Variants in CNKSR2 observed in about 807,000 individuals in gnomAD.
CNKSR2 encodes the protein connector enhancer of kinase suppressor of Ras 2, also known as CNK homolog protein 2.
In CNKSR2, 14 loss-of-function variants were observed where a neutral mutation model predicts 84.4. The ratio of observed to expected loss-of-function variants is 0.17; its 90% CI spans 0.11 to 0.26. CNKSR2 has a LOEUF of 0.26. Among genes scored for constraint, CNKSR2 ranks in the 10% least tolerant of loss-of-function variants. The pLI is 1.00. For synonymous variants in CNKSR2, 275 were observed against 277.9 expected (o/e 0.99, Z 0.10); for missense variants, 485 against 771.2 (o/e 0.63, Z 4.40).
rs368902813 is a variant in CNKSR2, at chrX:21,609,336, A to G, written c.2411A>G (p.His804Arg). 109 of 1,209,939 alleles carry G rather than the reference A, an allele frequency of 9.0e-5. No homozygotes were observed. Among genetic ancestry groups the G allele is most frequent in the Admixed American group, 3.5e-4 (16 of 45,748 alleles). The change falls in exon 20 of 22, where the codon CAC (histidine) becomes CGC (arginine). Residue 804 changes from histidine to arginine, a missense_variant. Coordinates refer to ENST00000379510, the MANE Select transcript of CNKSR2 (RefSeq NM_014927.5). The stretch of plus-strand genomic sequence containing the variant: ...GACTCCGCGGCCATCTCCCCAGAGC[A>G]CAGGCGGCAGTCTACCCTGCCAACT... The part of the protein sequence containing the change: ...FSDSAAISPE[H>R]RRQSTLPTQK...
chrX:21,550,168 A>G (rs1055963410), intron 11 of CNKSR2, among the ~76,000 whole-genome samples: 1 of 112,336 alleles, frequency 8.9e-6, no homozygotes, highest in Non-Finnish European at 1.9e-5. Context: ...CAATCTATCC[A>G]TCTGACAAAG....
chrX:21,532,101 A>C (rs1307038370), intron 11 of CNKSR2, 34 bp downstream of exon 11: 9 of 1,027,234 alleles, frequency 8.8e-6, no homozygotes, highest in Admixed American at 2.7e-5. Flanking sequence ...ATATAAGACT[A>C]TATTTCTGGC....
chrX:21,511,078 C>T (rs1278727765), intron 8 of CNKSR2, among the ~76,000 whole-genome samples: 1 of 111,561 alleles, frequency 9.0e-6, no homozygotes, highest in Non-Finnish European at 1.9e-5. Context: ...AAAACACCTT[C>T]ATAACAGTGT....
intron 20 of CNKSR2, among the ~76,000 whole-genome samples, chrX:21,610,648 T>C (rs2092545905): frequency 8.9e-6 from 1 of 112,423 alleles, no homozygotes; most frequent in African/African-American, 3.2e-5. Flanking sequence ...CTTCTCTTTT[T>C]AAAAAGATGA....
chrX:21,401,850 TTAAG>T lies in CNKSR2; in HGVS notation c.65-24645_65-24642del, dbSNP rs1244292484. ...ACAGTAACCATTCATGCTGTGCCTA[TTAAG>T]TGTCAGCCACTTTTCATACTGACTT... On this transcript the variant is annotated intron_variant, in intron 1 of 21. Coordinates refer to ENST00000379510, the MANE Select transcript of CNKSR2 (RefSeq NM_014927.5). Among the ~76,000 whole-genome samples, 11 of 111,769 alleles carry T rather than the reference TTAAG, an allele frequency of 9.8e-5. 1 individual carries two copies. Among genetic ancestry groups the T allele is most frequent in the African/African-American group, 2.3e-4 (7 of 30,968 alleles).
intron 11 of CNKSR2, among the ~76,000 whole-genome samples, chrX:21,545,208 C>T (rs951512563): frequency 1.8e-5 from 2 of 111,466 alleles, no homozygotes; most frequent in Admixed American, 9.4e-5. Context: ...GGGGAAGGGG[C>T]GTCCACCATT....
Position 21,454,888 on chromosome X carries a change from G to A in CNKSR2, c.519+14107G>A, listed in dbSNP as rs193026032. The stretch of plus-strand genomic sequence containing the variant: ...GTTTCAGATATAAGGTAGCAGGCTG[G>A]GACAGGTTAAATGACCTGCAAAGTT... On this transcript the variant is annotated intron_variant, in intron 4 of 21. Transcript: ENST00000379510. Among the ~76,000 whole-genome samples, 123 of 111,857 alleles carry A rather than the reference G, an allele frequency of 1.1e-3. 1 individual carries two copies. Among genetic ancestry groups the A allele is most frequent in the African/African-American group, 3.7e-3 (115 of 30,887 alleles).
intron 13 of CNKSR2, among the ~76,000 whole-genome samples, chrX:21,566,279 A>G (rs778126783): frequency 1.8e-5 from 2 of 112,502 alleles, no homozygotes; most frequent in African/African-American, 6.4e-5. Flanking sequence ...TTGCTGGGAC[A>G]ACAGAATATT....
intron 13 of CNKSR2, among the ~76,000 whole-genome samples, chrX:21,580,191 T>A (rs1334575268): frequency 8.9e-6 from 1 of 112,168 alleles, no homozygotes; most frequent in African/African-American, 3.2e-5. Context: ...ATTATATATC[T>A]CAATTATTTT....
At chrX:21,597,001 C>T (rs957837226) in intron 17 of CNKSR2, among the ~76,000 whole-genome samples, 10 of 111,217 alleles carry the variant, frequency 9.0e-5, no homozygotes, top group Non-Finnish European at 1.9e-4. Context: ...GCTCAATACC[C>T]TTGGGATAAA....
chrX:21,456,347 G>T (rs1041948251), intron 4 of CNKSR2, among the ~76,000 whole-genome samples: 30 of 111,224 alleles, frequency 2.7e-4, no homozygotes, highest in African/African-American at 9.1e-4. Flanking sequence ...CTGAAAGTTT[G>T]TGCCCTTTGA....
At chrX:21,384,688 T>C (rs1015432392) in intron 1 of CNKSR2, among the ~76,000 whole-genome samples, 2 of 112,178 alleles carry the variant, frequency 1.8e-5, no homozygotes, top group Non-Finnish European at 3.8e-5. Flanking sequence ...TTTTGTACTA[T>C]ACTTTGCCAG....
At position 21,386,786 on chromosome X, in the gene CNKSR2, A is replaced by G. The variant is rs766796693; in HGVS notation, c.64+11825A>G. Among the ~76,000 whole-genome samples the G allele has an allele frequency of 1.1e-4, 12 of 111,886 alleles. No individual in the cohort carries two copies. The East Asian group carries it at 3.4e-3, about 31-fold the overall frequency. ...AAGTTTCTCACTTTTTATAAAAGCT[A>G]TTACAATACCCAGGACAATAGAACC... On this transcript the variant is annotated intron_variant, in intron 1 of 21. Coordinates refer to ENST00000379510, the MANE Select transcript of CNKSR2 (RefSeq NM_014927.5).
chrX:21,482,844 T>C (rs1021044669), intron 5 of CNKSR2, among the ~76,000 whole-genome samples: 1 of 111,669 alleles, frequency 9.0e-6, no homozygotes, highest in Non-Finnish European at 1.9e-5. Flanking sequence ...ATTTTTGTTG[T>C]GTTTTTCCCC....
At chrX:21,429,452 A>G (rs1601778307) in intron 2 of CNKSR2, 2 of 112,005 alleles carry the variant, frequency 1.8e-5, no homozygotes, top group Non-Finnish European at 3.8e-5. Flanking sequence ...GGCCTAACAC[A>G]AAAGGTGCTT....
chrX:21,424,265 A>G (rs1201818537), intron 1 of CNKSR2: 1 of 111,772 alleles, frequency 8.9e-6, no homozygotes, highest in Non-Finnish European at 1.9e-5. Flanking sequence ...TCACTGCTCA[A>G]TCCCGTAGTC....
intron 1 of CNKSR2, among the ~76,000 whole-genome samples, chrX:21,379,034 A>G (rs1027647849): frequency 1.2e-4 from 13 of 112,574 alleles, no homozygotes; most frequent in African/African-American, 4.2e-4. Flanking sequence ...TTGAGGATAG[A>G]AAATAAAATA....
At chrX:21,391,561 G>C (rs2090051486) in intron 1 of CNKSR2, among the ~76,000 whole-genome samples, 1 of 111,956 alleles carries the variant, frequency 8.9e-6, no homozygotes, top group Admixed American at 9.4e-5. Context: ...AGTGTCCTGA[G>C]GTTGTACAGG....
intron 1 of CNKSR2, 100 bp from the exon 2 acceptor site, chrX:21,426,397 T>A: frequency 2.6e-6 from 2 of 783,700 alleles, no homozygotes; most frequent in Non-Finnish European, 3.7e-6. Context: ...TGGACTTAAT[T>A]TGTGACATGG....
Sources: gnomAD v4.1 joint callset for allele counts (sites outside exome capture counted in the v4.1 genomes callset) on GRCh38, gnomAD v4.1.1 for gene constraint, MANE v1.5 for transcripts, NCBI Gene and HGNC (gene_info 2026-07-23, HGNC 2026-07-21) for gene names.